RNF4: variants seen among roughly 807,000 people sequenced by gnomAD.
RNF4 encodes the protein ring finger protein 4.
A neutral mutation model predicts 24.3 loss-of-function variants in RNF4; 7 were observed. That is an observed-to-expected ratio of 0.29 (90% CI 0.16 to 0.54). The LOEUF (loss-of-function observed/expected upper bound fraction) is 0.54. Ranked by LOEUF, RNF4 falls within the 20% of genes least tolerant of loss-of-function variation. RNF4 has a pLI of 0.95. For missense variants in RNF4, 209 were observed against 248.5 expected (o/e 0.84, Z 1.07); for synonymous variants, 83 against 84.3 (o/e 0.98, Z 0.09).
chr4:2,514,097 G>C lies in RNF4; in HGVS notation c.*278G>C, dbSNP rs1019748648. 2.4e-6 allele frequency: 1 copy of C among 408,410 alleles called. No homozygotes were observed. Among genetic ancestry groups the C allele is most frequent in the African/African-American group, 2.0e-5 (1 of 50,720 alleles). 25.3% of individuals were successfully genotyped at this position (408,410 alleles called of 1,614,324 possible). ...AGGCGCATTGGGAATCGTGGTTCCA[G>C]TCTGGTTGCAGAATCTGCACATTTG... On this transcript the variant is annotated 3_prime_UTR_variant, in exon 8 of 8. Coordinates refer to ENST00000314289, the MANE Select transcript of RNF4 (RefSeq NM_002938.5).
At chr4:2,500,118 C>G (rs1372698835) in intron 3 of RNF4, among the ~76,000 whole-genome samples, 1 of 147,130 alleles carries the variant, frequency 6.8e-6, no homozygotes, top group Non-Finnish European at 1.5e-5. Context: ...GATCGCACCA[C>G]TGCACTCCAG....
chr4:2,476,277 T>A (rs1424905906), intron 1 of RNF4, among the ~76,000 whole-genome samples: 1 of 152,228 alleles, frequency 6.6e-6, no homozygotes, highest in Non-Finnish European at 1.5e-5. Flanking sequence ...TGTAAGTACC[T>A]TCTTGATGTC....
intron 4 of RNF4, among the ~76,000 whole-genome samples, chr4:2,502,883 C>G (rs1735958372): frequency 1.3e-5 from 2 of 151,668 alleles, no homozygotes; most frequent in African/African-American, 4.8e-5. Context: ...CAGGGTCTCA[C>G]TCTGTTGCCC....
intron 4 of RNF4, chr4:2,505,326 C>G (rs1736046336): frequency 1.4e-5 from 2 of 142,346 alleles, no homozygotes; most frequent in Non-Finnish European, 3.1e-5. Context: ...GTCTGCATCT[C>G]TCTTTTTTTT....
intron 4 of RNF4, among the ~76,000 whole-genome samples, chr4:2,507,425 A>G (rs1031312538): frequency 6.6e-6 from 1 of 152,240 alleles, no homozygotes; most frequent in Non-Finnish European, 1.5e-5. Context: ...CTTTCCTGCC[A>G]GTGCCGCAAG....
At chr4:2,511,776 C>T (rs1016386064) in intron 4 of RNF4, among the ~76,000 whole-genome samples, 180 bp from the exon 5 acceptor site, 5 of 152,104 alleles carry the variant, frequency 3.3e-5, no homozygotes, top group African/African-American at 1.2e-4. Flanking sequence ...GGGAAGTGGG[C>T]TTGACTGACT....
chr4:2,509,344 A>T (rs191731714), intron 4 of RNF4, among the ~76,000 whole-genome samples: 2 of 151,302 alleles, frequency 1.3e-5, no homozygotes, highest in East Asian at 3.9e-4. Flanking sequence ...CAGCCTCCCA[A>T]GTAGTTGGGA....
intron 6 of RNF4, 70 bp from the exon 7 acceptor site, chr4:2,513,013 A>G (rs1736311398): frequency 1.4e-6 from 2 of 1,422,420 alleles, no homozygotes; most frequent in Non-Finnish European, 2.0e-6. Flanking sequence ...GATAGGGGCC[A>G]CTCACGTGAC....
At chr4:2,498,252 C>T (rs932186337) in intron 3 of RNF4, among the ~76,000 whole-genome samples, 7 of 152,084 alleles carry the variant, frequency 4.6e-5, no homozygotes, top group East Asian at 1.9e-4. Flanking sequence ...CGCGTGATCT[C>T]GGCTCACTGC....
chr4:2,473,380 T>A (rs1395677744), intron 1 of RNF4, among the ~76,000 whole-genome samples: 2 of 150,352 alleles, frequency 1.3e-5, no homozygotes, highest in Non-Finnish European at 2.9e-5. Context: ...AGATTCCGTC[T>A]TAAAAAAAAA....
At chr4:2,500,783 C>G in intron 4 of RNF4, 45 bp downstream of exon 4, 6 of 1,583,256 alleles carry the variant, frequency 3.8e-6, no homozygotes, top group Non-Finnish European at 5.2e-6. Flanking sequence ...GGGTATGGGT[C>G]CCTGGCCAGT....
At chr4:2,507,422 G>C (rs1012724274) in intron 4 of RNF4, among the ~76,000 whole-genome samples, 1 of 152,216 alleles carries the variant, frequency 6.6e-6, no homozygotes, top group Non-Finnish European at 1.5e-5. Context: ...CGACTTTCCT[G>C]CCAGTGCCGC....
intron 2 of RNF4, among the ~76,000 whole-genome samples, chr4:2,492,614 G>T (rs902569414): frequency 3.9e-5 from 6 of 152,234 alleles, no homozygotes; most frequent in African/African-American, 1.4e-4. Flanking sequence ...GGATGGTGGG[G>T]ACAGGTGAGA....
Position 2,512,079 on chromosome 4 carries a change from C to T in RNF4, c.214+114C>T. 1 of 947,166 alleles carries T rather than the reference C, an allele frequency of 1.1e-6. No individual in the cohort carries two copies. The highest frequency in any genetic ancestry group is 1.6e-5 in the South Asian group (1 of 64,024). The allele number at this position is 947,166 out of a possible 1,614,324, so 58.7% of individuals were successfully genotyped here. ...CCCCAAGGGCTTGGAGCGCTCCAAGCAGGAAGATGCCTTCGCAGATGCTGT... is the reference window on the plus strand; with the variant it reads ...CCCCAAGGGCTTGGAGCGCTCCAAGTAGGAAGATGCCTTCGCAGATGCTGT... On this transcript the variant is annotated intron_variant, in intron 5 of 7. Coordinates refer to ENST00000314289, the MANE Select transcript of RNF4 (RefSeq NM_002938.5). This position sits in a 1 kb window ranked among gnomAD's most constrained non-coding sequence, Gnocchi z 4.1.
chr4:2,507,154 C>T (rs1736128021), intron 4 of RNF4, among the ~76,000 whole-genome samples: 1 of 149,272 alleles, frequency 6.7e-6, no homozygotes, highest in South Asian at 2.2e-4. Context: ...ATTTATGAGA[C>T]TCTGTAGAAA....
intron 1 of RNF4, among the ~76,000 whole-genome samples, chr4:2,472,688 T>TG (rs1734942389): frequency 1.3e-5 from 2 of 151,902 alleles, no homozygotes; most frequent in South Asian, 4.1e-4. Flanking sequence ...ATTCTTCTGA[T>TG]GGGTATCAAC....
intron 1 of RNF4, among the ~76,000 whole-genome samples, chr4:2,486,643 G>A (rs1386982858): frequency 6.6e-6 from 1 of 152,168 alleles, no homozygotes; most frequent in East Asian, 1.9e-4. Flanking sequence ...GATGCAGGAG[G>A]CTGGTTTCAG....
intron 2 of RNF4, chr4:2,490,792 A>G: frequency 3.3e-6 from 1 of 305,134 alleles, no homozygotes; most frequent in East Asian, 5.7e-5. Flanking sequence ...AGAAATACTA[A>G]AACTTTTTGC....
intron 1 of RNF4, among the ~76,000 whole-genome samples, chr4:2,479,020 A>T (rs973043892): frequency 6.6e-6 from 1 of 152,152 alleles, no homozygotes; most frequent in African/African-American, 2.4e-5. Flanking sequence ...GGCCATGGGA[A>T]CTCACCTCTT....
Sources: gnomAD v4.1 joint callset for allele counts (sites outside exome capture counted in the v4.1 genomes callset) on GRCh38, gnomAD v4.1.1 for gene constraint, Gnocchi (gnomAD v3.1) non-coding constraint, MANE v1.5 for transcripts, NCBI Gene and HGNC (gene_info 2026-07-23, HGNC 2026-07-21) for gene names.